GFRA2: variants seen among roughly 807,000 people sequenced by gnomAD.
The protein encoded by GFRA2 is GDNF family receptor alpha 2, also known as GDNF family receptor alpha-2.
Under a neutral mutation model 48.3 loss-of-function variants are expected in GFRA2, and 17 were observed. The ratio of observed to expected loss-of-function variants is 0.35; its 90% CI spans 0.24 to 0.53. GFRA2 has a LOEUF of 0.53. GFRA2 is among the 20% of genes least tolerant of loss of function. GFRA2 has a pLI of 0.93. For missense variants in GFRA2, 660 were observed against 637.3 expected (o/e 1.04, Z -0.38); for synonymous variants, 305 against 257.2 (o/e 1.19, Z -1.78).
In GFRA2 at chr8:21,702,865, A is replaced by G. The variant is rs767692251; in HGVS notation, c.1158T>C (p.Asp386=). 1 of 1,609,798 alleles carries G rather than the reference A, an allele frequency of 6.2e-7. No individual in the cohort carries two copies. The highest frequency in any genetic ancestry group is 1.1e-5 in the South Asian group (1 of 90,862). Residue 386 remains aspartate (D), a synonymous_variant, in exon 7 of 9, where the codon GAT becomes GAC. Transcript: ENST00000524240. ...PRVEKTPSLP[D]DLSDSTSLGT... ...CCAAGCTGGTACTGTCACTGAGGTC[A>G]TCTGGCAAAGAAGGCGTCTTCTCCA...
chr8:21,704,212 C>T (rs957474519), intron 6 of GFRA2, among the ~76,000 whole-genome samples: 4 of 152,214 alleles, frequency 2.6e-5, no homozygotes, highest in Non-Finnish European at 4.4e-5. Flanking sequence ...TTCAACTGAC[C>T]GATGCCCAGC....
intron 4 of GFRA2, among the ~76,000 whole-genome samples, chr8:21,744,561 A>ACACACC (rs1361865781): frequency 1.7e-4 from 22 of 132,056 alleles, no homozygotes; most frequent in African/African-American, 4.6e-4. Context: ...ACACACACAC[A>ACACACC]CACACACACA....
At chr8:21,783,120 C>G in intron 1 of GFRA2, 1 of 690,624 alleles carries the variant, frequency 1.4e-6, no homozygotes, top group South Asian at 1.5e-5. Context: ...GCACTCCATT[C>G]CTCCTCAGCA....
intron 2 of GFRA2, among the ~76,000 whole-genome samples, chr8:21,804,051 AG>A (rs1807815194): frequency 1.3e-5 from 2 of 152,224 alleles, no homozygotes; most frequent in Admixed American, 1.3e-4. Flanking sequence ...AACAAGTCAA[AG>A]GTTCTTCATA....
At chr8:21,732,898 AC>A (rs1804266936) in intron 4 of GFRA2, among the ~76,000 whole-genome samples, 1 of 152,060 alleles carries the variant, frequency 6.6e-6, no homozygotes, top group Non-Finnish European at 1.5e-5. Context: ...TTCCTGCAAG[AC>A]CCCAGAGGCA....
chr8:21,708,262 AAGC>A (rs1489500704), intron 4 of GFRA2, among the ~76,000 whole-genome samples: 1 of 152,322 alleles, frequency 6.6e-6, no homozygotes, highest in East Asian at 1.9e-4. Context: ...TCCTCAAAAC[AAGC>A]AGCAGCAGCA....
chr8:21,716,030 C>T, intron 4 of GFRA2, among the ~76,000 whole-genome samples: 1 of 152,114 alleles, frequency 6.6e-6, no homozygotes, highest in Non-Finnish European at 1.5e-5. Flanking sequence ...TCACTTGGAA[C>T]AGAAACATTC....
At chr8:21,739,498 T>C (rs1259800659) in intron 4 of GFRA2, among the ~76,000 whole-genome samples, 1 of 152,194 alleles carries the variant, frequency 6.6e-6, no homozygotes, top group Non-Finnish European at 1.5e-5. Flanking sequence ...TGTCCTCTTA[T>C]TAAGTAACAC....
rs960655045 is a variant in GFRA2 at position 21,783,090 on chromosome 8, G to A, written c.41-191C>T. The A allele has an allele frequency of 4.2e-5, 30 of 706,690 alleles. No homozygotes were observed. The East Asian group carries it at 7.3e-4, about 17-fold the overall frequency. The allele number at this position is 706,690 out of a possible 1,614,324, so 43.8% of individuals were successfully genotyped here. A position where few individuals can be genotyped will look rare whatever the true frequency, so the allele number is the denominator to read the frequency against. Reference sequence around the variant, plus strand: ...CAGGCATCATCCTCCCCTGGATGTAGGAGCAAGTTTTCTCCCTTTGCACTC... The same window carrying A: ...CAGGCATCATCCTCCCCTGGATGTAAGAGCAAGTTTTCTCCCTTTGCACTC... On this transcript the variant is annotated intron_variant, in intron 1 of 8. Transcript: ENST00000524240.
At chr8:21,793,564 C>T (rs1807616558), upstream of GFRA2, among the ~76,000 whole-genome samples, 1 of 152,148 alleles carries the variant, frequency 6.6e-6, no homozygotes, top group Non-Finnish European at 1.5e-5. Context: ...CTTCAAATTC[C>T]TATAATAACT....
At chr8:21,779,713 A>G (rs1444763211) in intron 2 of GFRA2, 1 of 152,228 alleles carries the variant, frequency 6.6e-6, no homozygotes, top group East Asian at 1.9e-4. Flanking sequence ...GGGAGAAGGC[A>G]CCGCCTGATT....
intron 4 of GFRA2, among the ~76,000 whole-genome samples, chr8:21,708,707 G>C (rs1164425226): frequency 1.3e-5 from 2 of 152,204 alleles, no homozygotes; most frequent in Non-Finnish European, 2.9e-5. Context: ...AGCAGAGGCA[G>C]AGATAGGAGT....
At position 21,693,054 on chromosome 8, in the gene GFRA2, A is replaced by C; in HGVS notation, c.*224T>G. On this transcript the variant is annotated 3_prime_UTR_variant, in exon 9 of 9. Transcript: ENST00000524240. The stretch of plus-strand genomic sequence containing the variant: ...CCCCGGCACCAGAGTTTCCCCTGCC[A>C]GGGGACCCCTGGGCCAGCTCTCAGG... 1 of 374,092 alleles carries C rather than the reference A, an allele frequency of 2.7e-6. No homozygotes were observed. The allele number at this position is 374,092 out of a possible 1,614,324, so 23.2% of individuals were successfully genotyped here.
intron 4 of GFRA2, among the ~76,000 whole-genome samples, chr8:21,747,338 C>T (rs1272152630): frequency 6.6e-6 from 1 of 152,234 alleles, no homozygotes; most frequent in Non-Finnish European, 1.5e-5. Flanking sequence ...AGTTCAGTCA[C>T]TGTGGCAAAT....
chr8:21,787,610 T>C (rs1257723235), intron 1 of GFRA2, among the ~76,000 whole-genome samples: 6 of 151,404 alleles, frequency 4.0e-5, no homozygotes, highest in Non-Finnish European at 8.8e-5. Flanking sequence ...CTGCCAGCGC[T>C]CCCCGCGCGA....
intron 4 of GFRA2, among the ~76,000 whole-genome samples, chr8:21,733,102 TTTGA>T (rs1317443483): frequency 6.6e-6 from 1 of 152,176 alleles, no homozygotes; most frequent in Non-Finnish European, 1.5e-5. Context: ...TGCCAGGCTG[TTTGA>T]TTGCAAAATC....
intron 3 of GFRA2, among the ~76,000 whole-genome samples, chr8:21,762,901 C>T (rs1010945135): frequency 6.6e-6 from 1 of 152,020 alleles, no homozygotes. Flanking sequence ...GTATTTGTAA[C>T]CATTAAAAAC....
At chr8:21,746,286 C>T (rs71513838) in intron 4 of GFRA2, among the ~76,000 whole-genome samples, 10,162 of 152,208 alleles carry the variant, frequency 0.067, 435 homozygotes, top group Non-Finnish European at 0.086. Context: ...CTCAACTCTC[C>T]ATCATGCACA....
At chr8:21,760,944 G>C (rs913813893) in intron 3 of GFRA2, among the ~76,000 whole-genome samples, 36 of 152,156 alleles carry the variant, frequency 2.4e-4, no homozygotes, top group African/African-American at 8.7e-4. Context: ...AGGGGCATAA[G>C]GGTGAGTGGA....
Sources: gnomAD v4.1 joint callset for allele counts (sites outside exome capture counted in the v4.1 genomes callset) on GRCh38, gnomAD v4.1.1 for gene constraint, MANE v1.5 for transcripts, NCBI Gene and HGNC (gene_info 2026-07-23, HGNC 2026-07-21) for gene names.